The following FBXL7 variants were observed in gnomAD, a reference collection of about 807,000 sequenced individuals.
FBXL7 encodes the protein F-box/LRR-repeat protein 7.
A neutral mutation model predicts 38.3 loss-of-function variants in FBXL7; 12 were observed. The ratio of observed to expected loss-of-function variants is 0.31; its 90% confidence interval spans 0.20 to 0.51. The LOEUF (loss-of-function observed/expected upper bound fraction) is 0.51. Ranked by LOEUF, FBXL7 falls within the 20% of genes least tolerant of loss-of-function variation. FBXL7 has a pLI of 0.98. For missense variants in FBXL7, 567 were observed against 676.4 expected (o/e 0.84, Z 1.79); for synonymous variants, 297 against 300.9 (o/e 0.99, Z 0.13).
intron 2 of FBXL7, among the ~76,000 whole-genome samples, chr5:15,707,853 G>A (rs1743740458): frequency 6.6e-6 from 1 of 152,120 alleles, no homozygotes; most frequent in African/African-American, 2.4e-5. Flanking sequence ...ACGTGAGAAT[G>A]TACAAGTAGC....
At chr5:15,716,116 G>A (rs1172107105) in intron 2 of FBXL7, among the ~76,000 whole-genome samples, 1 of 152,172 alleles carries the variant, frequency 6.6e-6, no homozygotes, top group Non-Finnish European at 1.5e-5. Flanking sequence ...GTCTACAGAG[G>A]ATTAAACTGG....
chr5:15,609,438 G>C (rs574785197), intron 1 of FBXL7, among the ~76,000 whole-genome samples: 5 of 152,254 alleles, frequency 3.3e-5, no homozygotes, highest in Admixed American at 1.3e-4. Flanking sequence ...TGTCTTTTGT[G>C]AGTGTCTTTT....
Position 15,582,937 on chromosome 5 carries a change from T to TG in FBXL7, c.38-33046_38-33045insG, listed in dbSNP as rs1273286645. Among the ~76,000 whole-genome samples, 36 of 149,326 alleles carry TG rather than the reference T, an allele frequency of 2.4e-4. No individual in the cohort carries two copies. The South Asian group carries it at 5.7e-3, about 24-fold the overall frequency. ...ACCTAATCCTCTCCTTGGCTCATGTTTTTTTTTTTTTTTGTGGGGATGTTG... is the reference window on the plus strand; with the variant it reads ...ACCTAATCCTCTCCTTGGCTCATGTTGTTTTTTTTTTTTTGTGGGGATGTTG... On this transcript the variant is annotated intron_variant, in intron 1 of 3. Transcript: ENST00000504595.
rs16867647 is a variant in FBXL7 at position 15,738,958 on chromosome 5, A to G, written c.127+122886A>G. 7.4e-3 allele frequency among the ~76,000 whole-genome samples: 1,123 copies of G among 152,352 alleles called. 12 individuals are homozygous for G. The highest frequency in any genetic ancestry group is 0.026 in the African/African-American group (1,069 of 41,588). ...AAAGCAACACCACATTGTCACCAGC[A>G]CTGAGGAGATGATCCACAGAAAAGG... is the stretch of plus-strand genomic sequence containing the variant. On this transcript the variant is annotated intron_variant, in intron 2 of 3. Transcript: ENST00000504595.
At chr5:15,565,596 C>CTA (rs930411390) in intron 1 of FBXL7, among the ~76,000 whole-genome samples, 11 of 151,778 alleles carry the variant, frequency 7.2e-5, no homozygotes, top group African/African-American at 2.4e-4. Context: ...TGCTCTCTCT[C>CTA]TATATATATG....
intron 1 of FBXL7, among the ~76,000 whole-genome samples, chr5:15,599,343 ATG>A (rs796865526): frequency 6.6e-6 from 1 of 152,064 alleles, no homozygotes; most frequent in African/African-American, 2.4e-5. Flanking sequence ...ATATGTGGAT[ATG>A]TGTGTGTGTT....
intron 2 of FBXL7, among the ~76,000 whole-genome samples, chr5:15,848,406 G>T (rs1738986247): frequency 6.6e-6 from 1 of 152,020 alleles, no homozygotes; most frequent in African/African-American, 2.4e-5. Flanking sequence ...TTTTGAGACG[G>T]AGTCTAGCTC....
rs182841477 is a variant in FBXL7, at chr5:15,635,838, C to T, written c.127+19766C>T. 3.0e-3 allele frequency among the ~76,000 whole-genome samples: 455 copies of T among 152,132 alleles called. 1 individual carries two copies. The highest frequency in any genetic ancestry group is 9.8e-3 in the South Asian group (47 of 4,804). ...AATGGGCAGTGAGGGCACCTGCCAC[C>T]TCCGTAGGAGCTGTCTTGGGACCAT... On this transcript the variant is annotated intron_variant, in intron 2 of 3. Coordinates refer to ENST00000504595, the MANE Select transcript of FBXL7 (RefSeq NM_012304.5).
chr5:15,565,481 A>G (rs1447790100), intron 1 of FBXL7, among the ~76,000 whole-genome samples: 1 of 151,364 alleles, frequency 6.6e-6, no homozygotes, highest in Non-Finnish European at 1.5e-5. Flanking sequence ...CTATAAAATA[A>G]TATATAATAA....
chr5:15,848,643 G>A (rs1409179040), intron 2 of FBXL7, among the ~76,000 whole-genome samples: 1 of 152,136 alleles, frequency 6.6e-6, no homozygotes, highest in Non-Finnish European at 1.5e-5. Flanking sequence ...GTCTCCCAAA[G>A]AGCTGGGATT....
At chr5:15,873,922 G>A (rs1740085872) in intron 2 of FBXL7, among the ~76,000 whole-genome samples, 1 of 152,032 alleles carries the variant, frequency 6.6e-6, no homozygotes, top group Admixed American at 6.6e-5. Context: ...TTTTTATGAG[G>A]CCAAAATCAT....
intron 2 of FBXL7, among the ~76,000 whole-genome samples, chr5:15,672,125 T>A (rs1402213713): frequency 6.6e-6 from 1 of 152,168 alleles, no homozygotes; most frequent in Non-Finnish European, 1.5e-5. Flanking sequence ...GCCTCTGCTT[T>A]ATTTTGCCTG....
chr5:15,504,716 C>A (rs1736597135), intron 1 of FBXL7, among the ~76,000 whole-genome samples: 1 of 152,074 alleles, frequency 6.6e-6, no homozygotes, highest in South Asian at 2.1e-4. Flanking sequence ...AGTGTAAGTC[C>A]ATGTGTAGAA....
At chr5:15,814,999 A>G (rs1363184218) in intron 2 of FBXL7, among the ~76,000 whole-genome samples, 1 of 152,128 alleles carries the variant, frequency 6.6e-6, no homozygotes, top group Non-Finnish European at 1.5e-5. Context: ...CTGATAAGCA[A>G]TTATTTCCAA....
intron 2 of FBXL7, among the ~76,000 whole-genome samples, chr5:15,881,915 G>A (rs1417367336): frequency 6.6e-6 from 1 of 152,146 alleles, no homozygotes; most frequent in Non-Finnish European, 1.5e-5. Flanking sequence ...GGCTATATAG[G>A]AAGCATAATG....
intron 2 of FBXL7, among the ~76,000 whole-genome samples, chr5:15,797,376 T>C (rs1375154220): frequency 4.6e-5 from 7 of 152,218 alleles, no homozygotes; most frequent in Admixed American, 4.6e-4. Flanking sequence ...TGTTTCTGCC[T>C]GTGGTTTGAA....
At chr5:15,692,690 G>C (rs1188520930) in intron 2 of FBXL7, among the ~76,000 whole-genome samples, 2 of 152,300 alleles carry the variant, frequency 1.3e-5, no homozygotes, top group East Asian at 3.9e-4. Context: ...TCGTGCAAAT[G>C]ATCTTGGGGT....
intron 2 of FBXL7, among the ~76,000 whole-genome samples, chr5:15,862,023 A>G (rs556020577): frequency 2.2e-4 from 33 of 152,298 alleles, no homozygotes; most frequent in African/African-American, 7.7e-4. Flanking sequence ...AAACTTATGG[A>G]AAGAGTTTTA....
intron 2 of FBXL7, among the ~76,000 whole-genome samples, chr5:15,848,170 G>A (rs966875934): frequency 1.3e-5 from 2 of 152,064 alleles, no homozygotes; most frequent in South Asian, 2.1e-4. Flanking sequence ...ATATCAAAGT[G>A]TACATTGTTG....
Sources: allele counts gnomAD v4.1 joint callset (sites outside exome capture counted in the v4.1 genomes callset), GRCh38; gene constraint gnomAD v4.1.1; transcripts MANE v1.5; gene names NCBI Gene and HGNC (gene_info 2026-07-23, HGNC 2026-07-21).